The following RBM33 variants were observed in gnomAD, a reference collection of about 807,000 sequenced individuals.
RBM33 encodes RNA binding motif protein 33, also known as RNA-binding protein 33.
RBM33 carries 28 observed loss-of-function variants against 132.6 expected under a neutral mutation model. The ratio of observed to expected loss-of-function variants is 0.21; its 90% CI spans 0.16 to 0.29. The LOEUF is 0.29. RBM33 is among the 10% of genes least tolerant of loss of function. RBM33 has a pLI of 1.00. For synonymous variants in RBM33, 634 were observed against 593.0 expected, an observed-to-expected ratio of 1.07 and a Z score of -1.01; for missense variants, 1,291 against 1,518.5, an observed-to-expected ratio of 0.85 and a Z score of 2.49.
At chr7:155,698,309 G>A (rs1277903580) in intron 5 of RBM33, among the ~76,000 whole-genome samples, 1 of 152,078 alleles carries the variant, frequency 6.6e-6, no homozygotes, top group African/African-American at 2.4e-5. Context: ...AGAGGTTGTC[G>A]TGAGCTGAGA....
rs1429993931 is a variant in RBM33, at chr7:155,739,738, C to G, written c.1761C>G (p.Pro587=). 2.6e-6 allele frequency: 4 copies of G among 1,547,850 alleles called. No individual in the cohort carries two copies. The African/African-American group carries it at 4.1e-5, about 16-fold the overall frequency. The part of the protein sequence containing the change: ...NLQGPLHPPL[P]PPHQPQPQQP... ...AGGGGCCGTTGCATCCTCCATTGCC[C>G]CCTCCGCATCAGCCTCAGCCTCAGC... Residue 587 remains proline (P), a synonymous_variant, in exon 12 of 18, where the codon CCC becomes CCG. Coordinates refer to ENST00000401878, the MANE Select transcript of RBM33 (RefSeq NM_053043.3).
chr7:155,768,136 C>G (rs1021530131), intron 16 of RBM33, among the ~76,000 whole-genome samples: 3 of 152,210 alleles, frequency 2.0e-5, no homozygotes, highest in African/African-American at 7.2e-5. Flanking sequence ...TCACCTGCTA[C>G]TTTTGTGGAC....
At chr7:155,653,147 A>G (rs555241029) in intron 1 of RBM33, among the ~76,000 whole-genome samples, 5 of 152,154 alleles carry the variant, frequency 3.3e-5, no homozygotes, top group Non-Finnish European at 7.3e-5. Context: ...ATTGTAAATA[A>G]TACTAATAGG....
In RBM33 at chr7:155,738,391, G is replaced by A. The variant is rs754759881; in HGVS notation, c.1725G>A (p.Gln575=). The A allele has an allele frequency of 2.5e-6, 4 of 1,611,152 alleles. No homozygotes were observed. The East Asian group carries it at 8.9e-5, about 36-fold the overall frequency. ...AGCCGTTTCTGCCCACACACACACAGCCCAACCTGCAGGTAATGCATCCTG... is the reference window on the plus strand; with the variant it reads ...AGCCGTTTCTGCCCACACACACACAACCCAACCTGCAGGTAATGCATCCTG... ...PGQPFLPTHT[Q]PNLQGPLHPP... The change falls in exon 11 of 18, where the codon CAG becomes CAA. Residue 575 remains glutamine, a synonymous_variant. Coordinates refer to ENST00000401878, the MANE Select transcript of RBM33 (RefSeq NM_053043.3).
chr7:155,732,534 G>A (rs1455968317), intron 9 of RBM33, among the ~76,000 whole-genome samples: 1 of 152,164 alleles, frequency 6.6e-6, no homozygotes, highest in Non-Finnish European at 1.5e-5. Context: ...CAGCCCATCC[G>A]TAGCCGACTT....
chr7:155,705,596 C>T (rs748547364), intron 6 of RBM33, among the ~76,000 whole-genome samples: 24 of 152,124 alleles, frequency 1.6e-4, no homozygotes, highest in Admixed American at 7.2e-4. Flanking sequence ...TGAAAGCGTA[C>T]CCTTGGCTGG....
chr7:155,652,855 G>A (rs971350901), intron 1 of RBM33, among the ~76,000 whole-genome samples: 1 of 151,990 alleles, frequency 6.6e-6, no homozygotes, highest in Non-Finnish European at 1.5e-5. Flanking sequence ...GCTATGAACT[G>A]GAACTTTAAA....
chr7:155,661,116 G>GTATA, intron 1 of RBM33, among the ~76,000 whole-genome samples: 1 of 68,980 alleles, frequency 1.4e-5, no homozygotes, highest in African/African-American at 4.5e-5. Context: ...GTGTGTGTGT[G>GTATA]TGTGTGTGTG....
chr7:155,691,644 A>ACAAGTAT (rs1799645383), intron 5 of RBM33, among the ~76,000 whole-genome samples: 1 of 152,222 alleles, frequency 6.6e-6, no homozygotes, highest in African/African-American at 2.4e-5. Flanking sequence ...AAGAATGTTA[A>ACAAGTAT]CAAGTATTAT....
intron 3 of RBM33, among the ~76,000 whole-genome samples, chr7:155,673,766 GCGCACACACACA>G (rs1799064807): frequency 1.7e-5 from 2 of 120,298 alleles, no homozygotes; most frequent in South Asian, 2.4e-4. Flanking sequence ...GCGCGCATGC[GCGCACACACACA>G]CACACACACA....
chr7:155,671,369 G>A (rs1334395061), intron 2 of RBM33, among the ~76,000 whole-genome samples: 1 of 152,134 alleles, frequency 6.6e-6, no homozygotes, highest in African/African-American at 2.4e-5. Flanking sequence ...TGTGACTTTA[G>A]GCAAGTTATT....
In RBM33 at chr7:155,735,772, G is replaced by A. The variant is rs1344745260; in HGVS notation, c.1261-1758G>A. On this transcript the variant is annotated intron_variant, in intron 9 of 17. Coordinates refer to ENST00000401878, the MANE Select transcript of RBM33 (RefSeq NM_053043.3). ...CTCAGGAAAAGAGATCCATATCAAA[G>A]CATTATATCAGTGAATTTTCAAATT... 2.6e-5 allele frequency among the ~76,000 whole-genome samples: 4 copies of A among 151,576 alleles called. No homozygotes were observed. In the East Asian group the frequency reaches 7.8e-4, roughly 29 times the overall value.
chr7:155,711,269 C>A lies in RBM33; in HGVS notation c.1015C>A (p.Gln339Lys). ...QQPIRSLFQP[Q>K]PLQPLLPVQH... is the part of the protein sequence containing the mutation. ...GCCGATCAGAAGCCTGTTCCAGCCG[C>A]AGCCGCTGCAGCCGCTGCTTCCGGT... The change falls in exon 8 of 18, where the codon CAG (glutamine) becomes AAG (lysine). Residue 339 changes from glutamine to lysine, a missense_variant. This residue lies in a region of RBM33 where 146 missense variants were observed against 137.1 expected (regional missense o/e 1.07). Coordinates refer to ENST00000401878, the MANE Select transcript of RBM33 (RefSeq NM_053043.3). 6.2e-7 allele frequency: 1 copy of A among 1,602,962 alleles called. No individual in the cohort carries two copies.
chr7:155,668,715 C>A (rs1055532082), intron 2 of RBM33, among the ~76,000 whole-genome samples: 2 of 152,092 alleles, frequency 1.3e-5, no homozygotes, highest in African/African-American at 4.8e-5. Context: ...TGTTGTTTAC[C>A]AAGTTTCAAA....
At chr7:155,705,842 A>T (rs1308208384) in intron 6 of RBM33, among the ~76,000 whole-genome samples, 1 of 152,156 alleles carries the variant, frequency 6.6e-6, no homozygotes, top group African/African-American at 2.4e-5. Context: ...CAGCTGCTGG[A>T]CACTCCACAC....
intron 13 of RBM33, among the ~76,000 whole-genome samples, chr7:155,744,512 AG>A (rs1168034463): frequency 1.3e-4 from 20 of 152,232 alleles, no homozygotes; most frequent in African/African-American, 4.8e-4. Context: ...GTTTGAGATC[AG>A]GCTGAAAATT....
intron 9 of RBM33, among the ~76,000 whole-genome samples, chr7:155,730,389 G>A (rs1051413133): frequency 2.0e-5 from 3 of 152,334 alleles, no homozygotes; most frequent in Admixed American, 1.3e-4. Flanking sequence ...GCTATATATC[G>A]TATTTACAGT....
chr7:155,690,534 C>T (rs1370540757), intron 5 of RBM33, among the ~76,000 whole-genome samples: 2 of 152,078 alleles, frequency 1.3e-5, no homozygotes, highest in African/African-American at 2.4e-5. Flanking sequence ...TTATTTTGCT[C>T]GTTATTTGAT....
At chr7:155,767,725 C>T (rs1802271673) in intron 16 of RBM33, among the ~76,000 whole-genome samples, 1 of 152,178 alleles carries the variant, frequency 6.6e-6, no homozygotes, top group South Asian at 2.1e-4. Context: ...AAAGCCTTGG[C>T]TTCTGTTTGT....
Sources: gnomAD v4.1 joint callset for allele counts (sites outside exome capture counted in the v4.1 genomes callset) on GRCh38, gnomAD v4.1.1 for gene constraint, gnomAD v4.1.1 regional missense constraint, MANE v1.5 for transcripts, NCBI Gene and HGNC (gene_info 2026-07-23, HGNC 2026-07-21) for gene names.